GNAI2: variants seen among roughly 807,000 people sequenced by gnomAD.
The protein encoded by GNAI2 is guanine nucleotide-binding protein G(i) subunit alpha-2.
A neutral mutation model predicts 36.8 loss-of-function variants in GNAI2; 4 were observed. That is an observed-to-expected ratio of 0.11 (90% CI 0.05 to 0.25). GNAI2 has a LOEUF of 0.25. GNAI2 is among the 10% of genes least tolerant of loss of function. GNAI2 has a pLI of 1.00. For synonymous variants in GNAI2, 194 were observed against 194.1 expected, an observed-to-expected ratio of 1.00 and a Z score of 0.01; for missense variants, 230 against 481.3, an observed-to-expected ratio of 0.48 and a Z score of 4.89.
chr3:50,254,443 G>A (rs781867289), intron 4 of GNAI2, among the ~76,000 whole-genome samples: 13 of 152,148 alleles, frequency 8.5e-5, no homozygotes, highest in Non-Finnish European at 1.5e-5. Flanking sequence ...GTGGGTGGGA[G>A]GAGGAGGAGG....
intron 1 of GNAI2, among the ~76,000 whole-genome samples, chr3:50,248,882 C>G (rs1036991750): frequency 1.3e-5 from 2 of 152,128 alleles, no homozygotes; most frequent in African/African-American, 4.8e-5. Flanking sequence ...CCTAGTGTGA[C>G]TGGCTCTGTG....
At position 50,253,047 on chromosome 3, in the gene GNAI2, A is replaced by C; in HGVS notation, c.327A>C (p.Ala109=). ...AGGACGACGCCAGGCAGCTATTTGC[A>C]CTGTCCTGCACCGCCGAGGAGCAAG... ...SRADDARQLF[A]LSCTAEEQGV... The change falls in exon 4 of 9, where the codon GCA becomes GCC. Residue 109 remains alanine, a synonymous_variant. Coordinates refer to ENST00000313601, the MANE Select transcript of GNAI2 (RefSeq NM_002070.4). The surrounding 1 kb of genome is among the most constrained non-coding windows in gnomAD (Gnocchi z 4.2). 6.3e-7 allele frequency: 1 copy of C among 1,596,466 alleles called. No individual in the cohort carries two copies. The highest frequency in any genetic ancestry group is 8.6e-7 in the Non-Finnish European group (1 of 1,166,418).
At chr3:50,231,069 C>A in intron 1 of GNAI2, 1 of 332,390 alleles carries the variant, frequency 3.0e-6, no homozygotes, top group Non-Finnish European at 4.3e-6. Flanking sequence ...CTCAGACCTA[C>A]CACCCTACCT....
intron 1 of GNAI2, among the ~76,000 whole-genome samples, chr3:50,237,788 C>G (rs1700212164): frequency 6.6e-6 from 1 of 152,024 alleles, no homozygotes; most frequent in Non-Finnish European, 1.5e-5. Flanking sequence ...GGAGGGAGGC[C>G]CTTGCAACAG....
Position 50,238,918 on chromosome 3 carries a change from C to T in GNAI2, c.118+2465C>T, listed in dbSNP as rs1450878703. Reference sequence around the variant, plus strand: ...CCAGAACCACGCCTGCTGCCCCGCCCGCACACCGCCTCCCTCCCATCTTGG... The same window carrying T: ...CCAGAACCACGCCTGCTGCCCCGCCTGCACACCGCCTCCCTCCCATCTTGG... On this transcript the variant is annotated intron_variant, in intron 1 of 8. Transcript: ENST00000313601. The surrounding 1 kb of genome is among the most constrained non-coding windows in gnomAD (Gnocchi z 5.0). Among the ~76,000 whole-genome samples, 3 of 152,234 alleles carry T rather than the reference C, an allele frequency of 2.0e-5. No individual in the cohort carries two copies. Among genetic ancestry groups the T allele is most frequent in the Admixed American group, 6.5e-5 (1 of 15,288 alleles).
upstream of GNAI2, chr3:50,229,143 A>C (rs1700029318): frequency 6.6e-6 from 1 of 152,174 alleles, no homozygotes; most frequent in Non-Finnish European, 1.5e-5. Context: ...CAGCCTTTGG[A>C]AAGCATGGCA....
In GNAI2 at chr3:50,252,619, C is replaced by A. The variant is rs1700588544; in HGVS notation, c.303+81C>A. The A allele has an allele frequency of 1.6e-6, 2 of 1,242,418 alleles. No homozygotes were observed. The highest frequency in any genetic ancestry group is 1.3e-5 in the South Asian group (1 of 78,838). The allele number at this position is 1,242,418 out of a possible 1,614,324, so 77.0% of individuals were successfully genotyped here. A position where few individuals can be genotyped will look rare whatever the true frequency, so the allele number is the denominator to read the frequency against. ...GTTGTGGTGGCTCATGCCTATAAAT[C>A]CCAGCACTTTGGGACGCCGAGGCGG... On this transcript the variant is annotated intron_variant, in intron 3 of 8. Transcript: ENST00000313601. The surrounding 1 kb of genome is among the most constrained non-coding windows in gnomAD (Gnocchi z 4.1).
Position 50,251,603 on chromosome 3 carries a change from G to A in GNAI2, c.119-497G>A, listed in dbSNP as rs781795567. On this transcript the variant is annotated intron_variant, in intron 1 of 8. Coordinates refer to ENST00000313601, the MANE Select transcript of GNAI2 (RefSeq NM_002070.4). ...CATGTCCAGAAAGCTGAAGTGTGAC[G>A]CTGTGCTCCTGCTTAGGCCCCTGGT... 2.2e-5 allele frequency: 28 copies of A among 1,252,966 alleles called. No individual in the cohort carries two copies. In the South Asian group the frequency reaches 2.7e-4, roughly 12 times the overall value. The allele number at this position is 1,252,966 out of a possible 1,614,324, so 77.6% of individuals were successfully genotyped here. A position where few individuals can be genotyped will look rare whatever the true frequency, so the allele number is the denominator to read the frequency against.
intron 5 of GNAI2, 165 bp from the exon 6 acceptor site, chr3:50,256,558 G>C: frequency 1.3e-6 from 1 of 788,250 alleles, no homozygotes; most frequent in Non-Finnish European, 2.1e-6. Flanking sequence ...TGCTGTCCAA[G>C]CTCCTGGCCC....
At chr3:50,240,454 T>C (rs1559766851) in intron 1 of GNAI2, among the ~76,000 whole-genome samples, 1 of 152,144 alleles carries the variant, frequency 6.6e-6, no homozygotes, top group East Asian at 1.9e-4. Flanking sequence ...CATGGGGTCA[T>C]CCAGACCTGA....
chr3:50,250,714 G>A (rs1225272114), intron 1 of GNAI2, among the ~76,000 whole-genome samples: 1 of 152,082 alleles, frequency 6.6e-6, no homozygotes, highest in Admixed American at 6.5e-5. Flanking sequence ...TGGCCCCCCT[G>A]GTCCTTCTTT....
In GNAI2 at chr3:50,256,336, G is replaced by C. The variant is rs1700702700; in HGVS notation, c.593+16G>C. 1.2e-6 allele frequency: 2 copies of C among 1,613,388 alleles called. No individual in the cohort carries two copies. ...TACACTTCAAGTGAGCGAGCATGTG[G>C]ACAGGTGGGAGGGGCAGGACCTGCC... On this transcript the variant is annotated intron_variant, in intron 5 of 8. Coordinates refer to ENST00000313601, the MANE Select transcript of GNAI2 (RefSeq NM_002070.4).
chr3:50,254,586 G>A (rs1700644181), intron 4 of GNAI2, among the ~76,000 whole-genome samples: 1 of 152,182 alleles, frequency 6.6e-6, no homozygotes, highest in Admixed American at 6.5e-5. Flanking sequence ...GCCAAATGCT[G>A]TGGGGGCCCC....
chr3:50,236,471 A>C lies in GNAI2; in HGVS notation c.118+18A>C. On this transcript the variant is annotated intron_variant, in intron 1 of 8. Coordinates refer to ENST00000313601, the MANE Select transcript of GNAI2 (RefSeq NM_002070.4). The surrounding 1 kb of genome is among the most constrained non-coding windows in gnomAD (Gnocchi z 4.0). ...GCTGTTGGGTGAGGCCGCGTCCCGC[A>C]CTGGGATCCTTGATTCCCAGCTCGA... 9 of 1,571,166 alleles carry C rather than the reference A, an allele frequency of 5.7e-6. No homozygotes were observed. The highest frequency in any genetic ancestry group is 6.0e-6 in the Non-Finnish European group (7 of 1,163,038).
At position 50,253,911 on chromosome 3, in the gene GNAI2, G is replaced by T. The variant is rs1441648123; in HGVS notation, c.464+727G>T. On this transcript the variant is annotated intron_variant, in intron 4 of 8. Coordinates refer to ENST00000313601, the MANE Select transcript of GNAI2 (RefSeq NM_002070.4). This position sits in a 1 kb window ranked among gnomAD's most constrained non-coding sequence, Gnocchi z 4.2. Reference sequence around the variant, plus strand: ...AGTCAGCCAGGGGAGGAGTGGATGAGGGGATTCCAGGCAGGGGCATAGCAT... The same window carrying T: ...AGTCAGCCAGGGGAGGAGTGGATGATGGGATTCCAGGCAGGGGCATAGCAT... 2.6e-5 allele frequency among the ~76,000 whole-genome samples: 4 copies of T among 152,162 alleles called. No homozygotes were observed. The highest frequency in any genetic ancestry group is 9.6e-5 in the African/African-American group (4 of 41,452).
chr3:50,236,529 A>G lies in GNAI2; in HGVS notation c.118+76A>G. The G allele has an allele frequency of 1.3e-6, 2 of 1,512,852 alleles. No homozygotes were observed. Among genetic ancestry groups the G allele is most frequent in the Non-Finnish European group, 1.8e-6 (2 of 1,138,670 alleles). The allele number at this position is 1,512,852 out of a possible 1,614,324, so 93.7% of individuals were successfully genotyped here. ...GACAAGGACTTTGACCTCCCAGACT[A>G]GGGCTTCAAACTCCCAGACCCGGGC... On this transcript the variant is annotated intron_variant, in intron 1 of 8. Coordinates refer to ENST00000313601, the MANE Select transcript of GNAI2 (RefSeq NM_002070.4). This position sits in a 1 kb window ranked among gnomAD's most constrained non-coding sequence, Gnocchi z 4.0.
chr3:50,255,920 C>T lies in GNAI2; in HGVS notation c.465-272C>T, dbSNP rs782517497. 3.3e-5 allele frequency among the ~76,000 whole-genome samples: 5 copies of T among 151,754 alleles called. No homozygotes were observed. The highest frequency in any genetic ancestry group is 4.4e-5 in the Non-Finnish European group (3 of 67,894). On this transcript the variant is annotated intron_variant, in intron 4 of 8. Coordinates refer to ENST00000313601, the MANE Select transcript of GNAI2 (RefSeq NM_002070.4). The surrounding 1 kb of genome is among the most constrained non-coding windows in gnomAD (Gnocchi z 4.0). ...ACAAAAATTAGCTGGGCGGCAGGCGCCTGTAGTCCCAGCTACTCAGGAGGC... is the reference window on the plus strand; with the variant it reads ...ACAAAAATTAGCTGGGCGGCAGGCGTCTGTAGTCCCAGCTACTCAGGAGGC...
At chr3:50,245,781 A>G (rs951546773) in intron 1 of GNAI2, among the ~76,000 whole-genome samples, 4 of 152,242 alleles carry the variant, frequency 2.6e-5, no homozygotes, top group African/African-American at 9.6e-5. Flanking sequence ...CTTGCCCCAG[A>G]AAGACTTTCC....
rs782661941 is a variant in GNAI2, at chr3:50,252,971, G to A, written c.304-53G>A. On this transcript the variant is annotated intron_variant, in intron 3 of 8. Coordinates refer to ENST00000313601, the MANE Select transcript of GNAI2 (RefSeq NM_002070.4). This position sits in a 1 kb window ranked among gnomAD's most constrained non-coding sequence, Gnocchi z 4.1. The stretch of plus-strand genomic sequence containing the variant: ...CATTCCAGAGGTCTCCCTGCCTCTG[G>A]CAGAGTGGGGGTACATTCCTTCAAC... 7 of 1,483,532 alleles carry A rather than the reference G, an allele frequency of 4.7e-6. No individual in the cohort carries two copies. In the South Asian group the frequency reaches 8.7e-5, roughly 19 times the overall value. 91.9% of individuals were successfully genotyped at this position (1,483,532 alleles called of 1,614,324 possible).
Sources: allele counts gnomAD v4.1 joint callset (sites outside exome capture counted in the v4.1 genomes callset), GRCh38; gene constraint gnomAD v4.1.1; non-coding constraint Gnocchi (gnomAD v3.1); transcripts MANE v1.5; gene names NCBI Gene and HGNC (gene_info 2026-07-23, HGNC 2026-07-21).